The following ASIC2 variants were observed in gnomAD, a reference collection of about 807,000 sequenced individuals.
The protein encoded by ASIC2 is acid-sensing ion channel 2.
In ASIC2, 25 loss-of-function variants were observed where a neutral mutation model predicts 57.3. That is an observed-to-expected ratio of 0.44 (90% CI 0.32 to 0.61). The LOEUF (loss-of-function observed/expected upper bound fraction) is 0.61, where lower values mean the gene tolerates loss of function less well. ASIC2 is among the 20% of genes least tolerant of loss of function. The probability of loss-of-function intolerance (pLI) is 0.06; values close to 1 mark genes in which losing one functional copy is unlikely to be tolerated. For synonymous variants in ASIC2, 319 were observed against 307.5 expected (o/e 1.04, Z -0.39); for missense variants, 641 against 738.1 (o/e 0.87, Z 1.52).
At chr17:33,160,530 G>C (rs1045631855) in intron 1 of ASIC2, among the ~76,000 whole-genome samples, 1 of 152,212 alleles carries the variant, frequency 6.6e-6, no homozygotes, top group Admixed American at 6.5e-5. Context: ...GTCCAAAGCA[G>C]CTTTTTACAC....
intron 1 of ASIC2, among the ~76,000 whole-genome samples, chr17:33,230,118 C>A (rs1443186787): frequency 3.9e-5 from 6 of 152,192 alleles, no homozygotes; most frequent in African/African-American, 9.7e-5. Context: ...CACACACAGG[C>A]TGGCCATTGA....
chr17:33,276,726 T>C (rs948720327), intron 1 of ASIC2, among the ~76,000 whole-genome samples: 6 of 152,186 alleles, frequency 3.9e-5, no homozygotes, highest in Non-Finnish European at 2.9e-5. Flanking sequence ...GTTAACTTAA[T>C]AGAAACTTAA....
At chr17:33,059,601 G>A (rs980304101) in intron 3 of ASIC2, among the ~76,000 whole-genome samples, 4 of 152,134 alleles carry the variant, frequency 2.6e-5, no homozygotes, top group East Asian at 1.9e-4. Context: ...GCTATTGTGA[G>A]TAGTGCCACA....
At chr17:33,380,143 G>A (rs1335531531) in intron 1 of ASIC2, among the ~76,000 whole-genome samples, 1 of 151,224 alleles carries the variant, frequency 6.6e-6, no homozygotes, top group East Asian at 1.9e-4. Context: ...CTACTTGGGG[G>A]GCTGAGGCAG....
At chr17:33,040,555 G>A (rs1358437231) in intron 3 of ASIC2, among the ~76,000 whole-genome samples, 1 of 152,194 alleles carries the variant, frequency 6.6e-6, no homozygotes, top group Non-Finnish European at 1.5e-5. Flanking sequence ...GGTGGTAGGT[G>A]GATGGGCTAC....
At chr17:33,676,972 T>C (rs1390698737) in intron 1 of ASIC2, among the ~76,000 whole-genome samples, 3 of 152,210 alleles carry the variant, frequency 2.0e-5, no homozygotes, top group Non-Finnish European at 4.4e-5. Flanking sequence ...CCCATGCCAC[T>C]GCCTCGCTTG....
At chr17:33,515,056 G>A (rs1437856947) in intron 1 of ASIC2, among the ~76,000 whole-genome samples, 5 of 152,202 alleles carry the variant, frequency 3.3e-5, no homozygotes, top group Admixed American at 2.0e-4. Flanking sequence ...ATAGGTGCCA[G>A]TAAGTATTTA....
chr17:33,562,673 G>A (rs1457506857), intron 1 of ASIC2, among the ~76,000 whole-genome samples: 5 of 152,206 alleles, frequency 3.3e-5, no homozygotes, highest in Non-Finnish European at 7.3e-5. Flanking sequence ...GAGCTGGCAT[G>A]TGATAGGCTT....
intron 1 of ASIC2, among the ~76,000 whole-genome samples, chr17:33,421,244 G>C (rs1179776504): frequency 6.6e-6 from 1 of 152,140 alleles, no homozygotes; most frequent in Non-Finnish European, 1.5e-5. Flanking sequence ...TAGGGGAAGG[G>C]ATTGGAAGAC....
rs118105959 is a variant in ASIC2 at position 33,716,425 on chromosome 17, G to A, written c.555+439553C>T. Among the ~76,000 whole-genome samples, 408 of 152,332 alleles carry A rather than the reference G, an allele frequency of 2.7e-3. 3 individuals are homozygous for A. Among genetic ancestry groups the A allele is most frequent in the Non-Finnish European group, 4.4e-3 (297 of 68,036 alleles). ...CCTCTTTGGAAGGGCCTGCAATGGAGAGGACATCTTGCTAAGCACTTGATC... is the reference window on the plus strand; with the variant it reads ...CCTCTTTGGAAGGGCCTGCAATGGAAAGGACATCTTGCTAAGCACTTGATC... On this transcript the variant is annotated intron_variant, in intron 1 of 9. Coordinates refer to the ASIC2 transcript ENST00000359872.
intron 1 of ASIC2, among the ~76,000 whole-genome samples, chr17:33,346,100 G>A (rs141424005): frequency 3.2e-4 from 48 of 151,854 alleles, no homozygotes; most frequent in African/African-American, 9.7e-4. Context: ...GGTCGTGGGC[G>A]TCTGTAATCT....
chr17:33,542,922 G>A (rs552834150), intron 1 of ASIC2, among the ~76,000 whole-genome samples: 5 of 152,114 alleles, frequency 3.3e-5, no homozygotes, highest in African/African-American at 9.6e-5. Context: ...TTAAGAAAAT[G>A]TGGCACATAT....
chr17:34,025,034 A>G (rs1375630280), intron 1 of ASIC2, among the ~76,000 whole-genome samples: 1 of 152,212 alleles, frequency 6.6e-6, no homozygotes, highest in Non-Finnish European at 1.5e-5. Context: ...AGTGGACAGC[A>G]CTTTGTTGTC....
chr17:33,174,321 T>C (rs1001659294), intron 1 of ASIC2, among the ~76,000 whole-genome samples: 2 of 151,162 alleles, frequency 1.3e-5, no homozygotes, highest in African/African-American at 4.9e-5. Flanking sequence ...CTCAGGAGGC[T>C]GAAGTGGGAG....
chr17:34,093,388 A>C (rs1050608446), intron 1 of ASIC2, among the ~76,000 whole-genome samples: 2 of 152,168 alleles, frequency 1.3e-5, no homozygotes, highest in African/African-American at 4.8e-5. Flanking sequence ...CCAGGGATTC[A>C]TATTTCTGTC....
rs745821286 is a variant in ASIC2, at chr17:33,432,462, G to A, written c.556-320395C>T. On this transcript the variant is annotated intron_variant, in intron 1 of 9. Transcript: ENST00000359872. ...GAGGATCGCTTGAGCCCAGGAGGTC[G>A]AAGCTGCTGTGAGCCATGATCCCTA... is the stretch of plus-strand genomic sequence containing the variant. 1.8e-4 allele frequency among the ~76,000 whole-genome samples: 27 copies of A among 152,204 alleles called. 1 individual carries two copies. Among genetic ancestry groups the A allele is most frequent in the South Asian group, 4.2e-4 (2 of 4,812 alleles).
At chr17:33,456,409 C>T (rs532020319) in intron 1 of ASIC2, among the ~76,000 whole-genome samples, 1 of 152,186 alleles carries the variant, frequency 6.6e-6, no homozygotes, top group Non-Finnish European at 1.5e-5. Flanking sequence ...GCACTATCCC[C>T]ATCCCCCCTT....
chr17:34,076,945 ACCT>A (rs1567811261), intron 1 of ASIC2, among the ~76,000 whole-genome samples: 1 of 152,168 alleles, frequency 6.6e-6, no homozygotes. Context: ...CAAGATCAGC[ACCT>A]GCCATGGGCC....
chr17:33,417,825 C>A (rs1018783415), intron 1 of ASIC2, among the ~76,000 whole-genome samples: 2 of 152,176 alleles, frequency 1.3e-5, no homozygotes, highest in African/African-American at 4.8e-5. Context: ...GAAGAGTCCA[C>A]AACATCTGTG....
Sources: allele counts gnomAD v4.1 joint callset (sites outside exome capture counted in the v4.1 genomes callset), GRCh38; gene constraint gnomAD v4.1.1; transcripts MANE v1.5; gene names NCBI Gene and HGNC (gene_info 2026-07-23, HGNC 2026-07-21).